LUZP2: variants seen among roughly 807,000 people sequenced by gnomAD.
The protein encoded by LUZP2 is leucine zipper protein 2.
A neutral mutation model predicts 51.6 loss-of-function variants in LUZP2; 52 were observed. The ratio of observed to expected loss-of-function variants is 1.01; its 90% confidence interval spans 0.81 to 1.27. The LOEUF (loss-of-function observed/expected upper bound fraction) is 1.27. Among genes scored for constraint, LUZP2 ranks in the 50% most tolerant of loss-of-function variants. The pLI is 0.00. For synonymous variants in LUZP2, 154 were observed against 137.3 expected, an observed-to-expected ratio of 1.12 and a Z score of -0.85; for missense variants, 436 against 395.4, an observed-to-expected ratio of 1.10 and a Z score of -0.87.
chr11:24,850,228 G>A (rs190034880), intron 5 of LUZP2, among the ~76,000 whole-genome samples: 188 of 152,238 alleles, frequency 1.2e-3, no homozygotes, highest in African/African-American at 4.5e-3. Context: ...TATTGCCTAG[G>A]TTTTCTCGTA....
At position 24,667,742 on chromosome 11, in the gene LUZP2, T is replaced by A. The variant is rs144289898; in HGVS notation, c.63-61427T>A. Among the ~76,000 whole-genome samples the A allele has an allele frequency of 2.0e-5, 3 of 152,300 alleles. No individual in the cohort carries two copies. The East Asian group carries it at 5.8e-4, about 29-fold the overall frequency. ...AGTCAAAAATATAAAATATACCATC[T>A]GGGTAAACAGAATTTTATGGACTCT... On this transcript the variant is annotated intron_variant, in intron 1 of 11. Transcript: ENST00000336930.
At chr11:24,599,879 CAA>C (rs1287254470) in intron 1 of LUZP2, among the ~76,000 whole-genome samples, 3 of 152,074 alleles carry the variant, frequency 2.0e-5, no homozygotes, top group African/African-American at 4.8e-5. Context: ...TTTCACGACT[CAA>C]AGTTCTTTGC....
chr11:24,560,412 T>C (rs1419828366), intron 1 of LUZP2, among the ~76,000 whole-genome samples: 1 of 152,110 alleles, frequency 6.6e-6, no homozygotes, highest in Non-Finnish European at 1.5e-5. Context: ...ATGTGACATA[T>C]CATGATTTAT....
intron 9 of LUZP2, among the ~76,000 whole-genome samples, chr11:24,998,004 C>G (rs964283363): frequency 3.3e-5 from 5 of 152,070 alleles, no homozygotes; most frequent in African/African-American, 1.2e-4. Flanking sequence ...CCAGTACCAT[C>G]CTGTTTGGGT....
intron 1 of LUZP2, among the ~76,000 whole-genome samples, chr11:24,663,289 GT>G (rs1303720464): frequency 6.6e-6 from 1 of 151,994 alleles, no homozygotes; most frequent in Non-Finnish European, 1.5e-5. Context: ...TGGTTTAAAA[GT>G]TGTTTGTGGC....
chr11:24,854,233 C>T (rs371258784), intron 5 of LUZP2, among the ~76,000 whole-genome samples: 86 of 152,336 alleles, frequency 5.6e-4, no homozygotes, highest in African/African-American at 2.0e-3. Flanking sequence ...TGTCCCTTCA[C>T]CCAGGTGCTC....
At chr11:25,058,749 C>CT (rs1858754859) in intron 10 of LUZP2, among the ~76,000 whole-genome samples, 1 of 152,216 alleles carries the variant, frequency 6.6e-6, no homozygotes, top group African/African-American at 2.4e-5. Context: ...CCCTTCCCCT[C>CT]GACCACTCCT....
At chr11:24,799,956 A>C (rs1306551044) in intron 5 of LUZP2, among the ~76,000 whole-genome samples, 1 of 152,198 alleles carries the variant, frequency 6.6e-6, no homozygotes, top group Non-Finnish European at 1.5e-5. Flanking sequence ...TTGTAATAAA[A>C]GTGCTTAATT....
chr11:24,806,948 G>T (rs1304178276), intron 5 of LUZP2, among the ~76,000 whole-genome samples: 1 of 142,892 alleles, frequency 7.0e-6, no homozygotes, highest in Non-Finnish European at 1.5e-5. Flanking sequence ...AGTAGAAAGG[G>T]TTAGTTCATT....
chr11:25,019,961 A>G (rs942313149), intron 9 of LUZP2, among the ~76,000 whole-genome samples: 3 of 152,082 alleles, frequency 2.0e-5, no homozygotes, highest in Non-Finnish European at 2.9e-5. Context: ...AGATTTTCAC[A>G]TCCTGGATTG....
intron 9 of LUZP2, among the ~76,000 whole-genome samples, chr11:24,995,066 A>G (rs1043249980): frequency 1.2e-4 from 18 of 152,190 alleles, no homozygotes; most frequent in Admixed American, 1.0e-3. Flanking sequence ...TATAACCACA[A>G]AATAAATTGA....
chr11:24,499,804 T>G (rs1207516602), intron 1 of LUZP2, among the ~76,000 whole-genome samples: 2 of 152,164 alleles, frequency 1.3e-5, no homozygotes, highest in Non-Finnish European at 1.5e-5. Context: ...TATCTTTCTC[T>G]GAGTGCATTG....
intron 1 of LUZP2, among the ~76,000 whole-genome samples, chr11:24,703,282 G>A (rs1424127336): frequency 1.3e-5 from 2 of 152,124 alleles, no homozygotes; most frequent in African/African-American, 4.8e-5. Context: ...ACAACCAATG[G>A]TTGCAAAGTA....
chr11:24,984,524 T>TTATA (rs1209500084), intron 9 of LUZP2, among the ~76,000 whole-genome samples: 11 of 90,052 alleles, frequency 1.2e-4, no homozygotes, highest in African/African-American at 4.5e-4. Flanking sequence ...ATTACATATT[T>TTATA]TATATATATA....
chr11:24,794,933 T>C (rs955714245), intron 5 of LUZP2, among the ~76,000 whole-genome samples: 2 of 152,102 alleles, frequency 1.3e-5, no homozygotes, highest in Non-Finnish European at 2.9e-5. Context: ...TTGAGATCAT[T>C]TGGCCATGAA....
At chr11:25,068,575 G>A (rs932745922) in intron 10 of LUZP2, among the ~76,000 whole-genome samples, 1 of 151,978 alleles carries the variant, frequency 6.6e-6, no homozygotes, top group Non-Finnish European at 1.5e-5. Flanking sequence ...TTCGCTGGAG[G>A]AAGAGTCATA....
chr11:24,693,485 C>A, intron 1 of LUZP2, among the ~76,000 whole-genome samples: 1 of 151,440 alleles, frequency 6.6e-6, no homozygotes, highest in Admixed American at 6.6e-5. Flanking sequence ...ATGATTATTC[C>A]TACAAATAAA....
At chr11:24,709,564 A>G (rs1857737946) in intron 1 of LUZP2, among the ~76,000 whole-genome samples, 1 of 152,156 alleles carries the variant, frequency 6.6e-6, no homozygotes, top group Non-Finnish European at 1.5e-5. Flanking sequence ...TTAGTGCAAA[A>G]TTATTGTTTA....
intron 9 of LUZP2, among the ~76,000 whole-genome samples, chr11:24,990,641 C>T (rs554299264): frequency 6.6e-6 from 1 of 152,054 alleles, no homozygotes; most frequent in Admixed American, 6.6e-5. Context: ...CTGGTGAGAA[C>T]ATAGAAGCTG....
Sources: gnomAD v4.1 joint callset for allele counts (sites outside exome capture counted in the v4.1 genomes callset) on GRCh38, gnomAD v4.1.1 for gene constraint, MANE v1.5 for transcripts, NCBI Gene and HGNC (gene_info 2026-07-23, HGNC 2026-07-21) for gene names.